The following FBXL17 variants were observed in gnomAD, a reference collection of about 807,000 sequenced individuals.
FBXL17 encodes F-box and leucine rich repeat protein 17, also known as F-box/LRR-repeat protein 17.
Under a neutral mutation model 66.2 loss-of-function variants are expected in FBXL17, and 22 were observed. The ratio of observed to expected loss-of-function variants is 0.33; its 90% CI spans 0.24 to 0.47. The LOEUF (loss-of-function observed/expected upper bound fraction) is 0.47. FBXL17 is among the 20% of genes least tolerant of loss of function. FBXL17 has a pLI of 1.00. For missense variants in FBXL17, 878 were observed against 948.2 expected, an observed-to-expected ratio of 0.93 and a Z score of 0.97; for synonymous variants, 474 against 400.5, an observed-to-expected ratio of 1.18 and a Z score of -2.19.
chr5:107,942,725 G>A (rs777993335), intron 7 of FBXL17, among the ~76,000 whole-genome samples: 3 of 149,716 alleles, frequency 2.0e-5, no homozygotes, highest in South Asian at 4.2e-4. Flanking sequence ...TTATTTTAAC[G>A]ATCTCCCATT....
At chr5:108,004,841 G>T (rs1177038714) in intron 7 of FBXL17, among the ~76,000 whole-genome samples, 2 of 152,052 alleles carry the variant, frequency 1.3e-5, no homozygotes, top group African/African-American at 4.8e-5. Context: ...AGAATTCGTA[G>T]CGTATTATAT....
intron 6 of FBXL17, among the ~76,000 whole-genome samples, chr5:108,102,559 G>A (rs890592317): frequency 2.6e-5 from 4 of 152,060 alleles, no homozygotes; most frequent in East Asian, 1.9e-4. Flanking sequence ...TGTGTGTAGC[G>A]GTGGGGTGGG....
intron 4 of FBXL17, among the ~76,000 whole-genome samples, chr5:108,310,695 TTTAAAAACTGCAGGGCCCTTCTC>T (rs1201049241): frequency 1.3e-5 from 2 of 152,198 alleles, no homozygotes; most frequent in Non-Finnish European, 2.9e-5. Flanking sequence ...AGGAAATCTG[TTTAAAAACTGCAGGGCCCTTCTC>T]TTATTGCCAT....
At chr5:108,333,740 A>T (rs945651045) in intron 4 of FBXL17, among the ~76,000 whole-genome samples, 1 of 152,230 alleles carries the variant, frequency 6.6e-6, no homozygotes, top group Admixed American at 6.5e-5. Context: ...AAAAAGAACC[A>T]TACATACAAA....
chr5:108,302,131 A>G (rs1758617826), intron 4 of FBXL17: 1 of 474,956 alleles, frequency 2.1e-6, no homozygotes, highest in Non-Finnish European at 2.8e-6. Flanking sequence ...CTGAAAATAC[A>G]TATGTCATCC....
intron 7 of FBXL17, among the ~76,000 whole-genome samples, chr5:107,950,860 T>A (rs979130976): frequency 1.3e-5 from 2 of 152,226 alleles, no homozygotes; most frequent in Non-Finnish European, 2.9e-5. Flanking sequence ...ATGAACACCA[T>A]GAGCACGAAC....
At chr5:108,222,669 C>T (rs1373159643) in intron 5 of FBXL17, among the ~76,000 whole-genome samples, 3 of 129,984 alleles carry the variant, frequency 2.3e-5, no homozygotes, top group Non-Finnish European at 3.1e-5. Flanking sequence ...GATACTATGG[C>T]ATCTTTTTTT....
intron 7 of FBXL17, among the ~76,000 whole-genome samples, chr5:107,971,090 GAT>G (rs1324435344): frequency 6.6e-6 from 1 of 152,128 alleles, no homozygotes; most frequent in African/African-American, 2.4e-5. Flanking sequence ...CAAAAGGATT[GAT>G]ATATGAGGGA....
At position 107,860,249 on chromosome 5, in the gene FBXL17, T is replaced by C. The variant is rs1330544745; in HGVS notation, c.*1471A>G. On this transcript the variant is annotated 3_prime_UTR_variant, in exon 9 of 9. Coordinates refer to ENST00000542267, the MANE Select transcript of FBXL17 (RefSeq NM_001163315.3). ...AAAGAAAGTGAAACTCAAACCTCAG[T>C]ATATCTGTTAAAGACCAAATAACAG... 3.9e-5 allele frequency: 6 copies of C among 152,626 alleles called. No individual in the cohort carries two copies. The highest frequency in any genetic ancestry group is 1.4e-4 in the African/African-American group (6 of 41,466). The allele number at this position is 152,626 out of a possible 1,614,324, so 9.5% of individuals were successfully genotyped here.
chr5:108,169,141 A>G (rs2150014481), intron 6 of FBXL17, among the ~76,000 whole-genome samples: 1 of 152,256 alleles, frequency 6.6e-6, no homozygotes, highest in South Asian at 2.1e-4. Context: ...ATTATGTCCT[A>G]CTTACAGATG....
chr5:107,870,115 A>G (rs139418992), intron 8 of FBXL17, among the ~76,000 whole-genome samples: 62 of 152,268 alleles, frequency 4.1e-4, no homozygotes, highest in African/African-American at 1.4e-3. Context: ...CAATATTTGT[A>G]AAGCTACCAG....
chr5:107,999,729 C>T (rs1753641133), intron 7 of FBXL17, among the ~76,000 whole-genome samples: 1 of 152,154 alleles, frequency 6.6e-6, no homozygotes, highest in Admixed American at 6.5e-5. Flanking sequence ...CTATCTTTAT[C>T]TTTATGCTCC....
intron 7 of FBXL17, among the ~76,000 whole-genome samples, chr5:107,926,603 T>A (rs530862870): frequency 6.6e-6 from 1 of 151,796 alleles, no homozygotes; most frequent in Admixed American, 6.6e-5. Context: ...ACTCATCTAG[T>A]AGCTGGTTCT....
At chr5:108,159,524 T>C (rs1340627115) in intron 6 of FBXL17, among the ~76,000 whole-genome samples, 1 of 152,148 alleles carries the variant, frequency 6.6e-6, no homozygotes, top group Non-Finnish European at 1.5e-5. Flanking sequence ...AAGAGGTAGT[T>C]CCTTCCTCTA....
At chr5:107,896,250 A>G (rs571036348) in intron 7 of FBXL17, among the ~76,000 whole-genome samples, 11 of 152,304 alleles carry the variant, frequency 7.2e-5, no homozygotes, top group African/African-American at 2.6e-4. Flanking sequence ...AAATTATGCA[A>G]TGAACTATTA....
intron 6 of FBXL17, among the ~76,000 whole-genome samples, chr5:108,177,739 C>T (rs1003768133): frequency 1.6e-4 from 25 of 151,972 alleles, no homozygotes; most frequent in African/African-American, 5.1e-4. Flanking sequence ...AACTATTCAA[C>T]GTGTCTGGGC....
chr5:108,166,550 T>A (rs923051669), intron 6 of FBXL17, among the ~76,000 whole-genome samples: 1 of 152,220 alleles, frequency 6.6e-6, no homozygotes, highest in Non-Finnish European at 1.5e-5. Flanking sequence ...GTAAGAAGCA[T>A]TTTGAACATC....
At chr5:108,165,519 G>A (rs568543025) in intron 6 of FBXL17, among the ~76,000 whole-genome samples, 1 of 152,274 alleles carries the variant, frequency 6.6e-6, no homozygotes, top group South Asian at 2.1e-4. Context: ...AAACGTTGGT[G>A]ACAAATAAAT....
chr5:107,990,743 G>A (rs2112691529), intron 7 of FBXL17, among the ~76,000 whole-genome samples: 1 of 152,192 alleles, frequency 6.6e-6, no homozygotes, highest in East Asian at 1.9e-4. Context: ...TTGGCAAACT[G>A]ATAAGCAACA....
Sources: allele counts gnomAD v4.1 joint callset (sites outside exome capture counted in the v4.1 genomes callset), GRCh38; gene constraint gnomAD v4.1.1; transcripts MANE v1.5; gene names NCBI Gene and HGNC (gene_info 2026-07-23, HGNC 2026-07-21).